Variants in GABRG3 observed in about 807,000 individuals in gnomAD.
GABRG3 encodes gamma-aminobutyric acid type A receptor subunit gamma3.
Under a neutral mutation model 48.8 loss-of-function variants are expected in GABRG3, and 25 were observed. The ratio of observed to expected loss-of-function variants is 0.51; its 90% CI spans 0.37 to 0.72. The LOEUF is 0.72. GABRG3 is among the 30% of genes least tolerant of loss of function. The pLI is 0.00. For synonymous variants in GABRG3, 227 were observed against 217.6 expected (o/e 1.04, Z -0.38); for missense variants, 394 against 577.9 (o/e 0.68, Z 3.26).
chr15:27,041,163 G>C (rs1176486428), intron 3 of GABRG3, among the ~76,000 whole-genome samples: 2 of 152,090 alleles, frequency 1.3e-5, no homozygotes, highest in African/African-American at 4.8e-5. Context: ...TTTGCATCTT[G>C]TTTAGTTTAT....
At chr15:27,119,672 C>T (rs868146625) in intron 3 of GABRG3, among the ~76,000 whole-genome samples, 2 of 152,184 alleles carry the variant, frequency 1.3e-5, no homozygotes, top group Admixed American at 6.5e-5. Context: ...ATGTGCTTCA[C>T]TCAGGTCATT....
chr15:27,210,559 G>T (rs902583094), intron 3 of GABRG3, among the ~76,000 whole-genome samples: 10 of 152,310 alleles, frequency 6.6e-5, no homozygotes, highest in African/African-American at 2.4e-4. Context: ...CCAGAGCATT[G>T]CCCACCCTGA....
At chr15:27,160,599 T>A (rs985254307) in intron 3 of GABRG3, among the ~76,000 whole-genome samples, 2 of 152,162 alleles carry the variant, frequency 1.3e-5, no homozygotes, top group African/African-American at 4.8e-5. Flanking sequence ...CTGAAGGATC[T>A]TTCTAATACT....
intron 6 of GABRG3, among the ~76,000 whole-genome samples, chr15:27,481,917 C>T (rs1423139498): frequency 6.6e-6 from 1 of 152,186 alleles, no homozygotes; most frequent in Non-Finnish European, 1.5e-5. Context: ...AATGTACCAG[C>T]AGACCTTTGG....
intron 3 of GABRG3, among the ~76,000 whole-genome samples, chr15:27,163,708 C>T (rs11857549): frequency 0.37 from 55,810 of 151,740 alleles, 10,567 homozygotes; most frequent in African/African-American, 0.44. Context: ...CTCACTCTCT[C>T]TAATTCTCCA....
intron 5 of GABRG3, among the ~76,000 whole-genome samples, chr15:27,411,261 A>G (rs2140599165): frequency 6.6e-6 from 1 of 152,264 alleles, no homozygotes; most frequent in Non-Finnish European, 1.5e-5. Context: ...GCTCTGATTC[A>G]GGTCAAATAA....
intron 3 of GABRG3, among the ~76,000 whole-genome samples, chr15:27,032,972 C>A (rs973272837): frequency 2.6e-5 from 4 of 151,264 alleles, no homozygotes; most frequent in African/African-American, 7.3e-5. Context: ...TGTGTCAACA[C>A]CAAAAAATGG....
chr15:27,202,817 T>G (rs541798788), intron 3 of GABRG3, among the ~76,000 whole-genome samples: 1 of 152,156 alleles, frequency 6.6e-6, no homozygotes, highest in African/African-American at 2.4e-5. Flanking sequence ...TTATCTGTTA[T>G]GTATTTTTGT....
chr15:27,031,956 G>C (rs758037943), intron 3 of GABRG3, among the ~76,000 whole-genome samples: 86 of 152,160 alleles, frequency 5.7e-4, no homozygotes, highest in African/African-American at 1.8e-3. Context: ...TCTGTAGTTC[G>C]ATAACTTTCA....
chr15:27,183,309 G>C (rs1595571255), intron 3 of GABRG3, among the ~76,000 whole-genome samples: 2 of 152,250 alleles, frequency 1.3e-5, no homozygotes, highest in Admixed American at 1.3e-4. Flanking sequence ...ACAAAACAAA[G>C]CATTAGGCTT....
intron 6 of GABRG3, among the ~76,000 whole-genome samples, chr15:27,501,331 A>C (rs1890632646): frequency 6.6e-6 from 1 of 152,150 alleles, no homozygotes; most frequent in Non-Finnish European, 1.5e-5. Flanking sequence ...ACAGACATCA[A>C]CCACAGTGAT....
chr15:27,326,909 G>A lies in GABRG3; in HGVS notation c.371G>A (p.Gly124Glu), dbSNP rs1893634201. Residue 124 changes from glycine (G) to glutamate (E), a missense_variant, in exon 4 of 10, where the codon GGG (glycine) becomes GAG (glutamate). Transcript: ENST00000615808. The part of the protein sequence containing the change: ...KILTLNSNMV[G>E]LIWIPDTIFR... ...CTTACTCTGAACAGCAACATGGTGG[G>A]GTTAATCTGGATCCCAGACACCATC... is the stretch of plus-strand genomic sequence containing the variant. The A allele has an allele frequency of 1.2e-6, 2 of 1,613,832 alleles. No homozygotes were observed. The highest frequency in any genetic ancestry group is 2.2e-5 in the South Asian group (2 of 91,074).
intron 6 of GABRG3, among the ~76,000 whole-genome samples, chr15:27,502,125 G>C (rs1243664298): frequency 6.6e-6 from 1 of 152,056 alleles, no homozygotes; most frequent in African/African-American, 2.4e-5. Context: ...AGATGGCTTA[G>C]GTCAAAGAAG....
At chr15:27,229,590 C>T (rs1397495230) in intron 3 of GABRG3, among the ~76,000 whole-genome samples, 3 of 152,104 alleles carry the variant, frequency 2.0e-5, no homozygotes, top group African/African-American at 7.2e-5. Context: ...AATTCTCCCA[C>T]CTCAGCCTCC....
intron 3 of GABRG3, among the ~76,000 whole-genome samples, chr15:27,182,512 G>C (rs1049476264): frequency 6.6e-6 from 1 of 152,096 alleles, no homozygotes; most frequent in Non-Finnish European, 1.5e-5. Flanking sequence ...ATGTGAACCC[G>C]CCATGTGAAA....
chr15:27,531,284 G>C (rs1019241065), intron 9 of GABRG3, among the ~76,000 whole-genome samples: 1 of 152,156 alleles, frequency 6.6e-6, no homozygotes, highest in Non-Finnish European at 1.5e-5. Flanking sequence ...CGCACCAAAG[G>C]CTGCAAGTCC....
At chr15:27,451,686 C>T (rs948675016) in intron 5 of GABRG3, among the ~76,000 whole-genome samples, 1 of 152,066 alleles carries the variant, frequency 6.6e-6, no homozygotes, top group Non-Finnish European at 1.5e-5. Context: ...CTATAAACAA[C>T]TGGGATTATA....
chr15:26,995,508 A>G (rs1010015510), intron 2 of GABRG3, among the ~76,000 whole-genome samples: 3 of 151,106 alleles, frequency 2.0e-5, no homozygotes, highest in African/African-American at 7.3e-5. Context: ...ATGTGTCTCA[A>G]ATCTTTTTGT....
intron 3 of GABRG3, among the ~76,000 whole-genome samples, chr15:27,073,764 G>A (rs1312139035): frequency 2.0e-5 from 3 of 152,188 alleles, no homozygotes; most frequent in South Asian, 2.1e-4. Context: ...GACTTGGCTG[G>A]GCCTTCTGCA....
Sources: gnomAD v4.1 joint callset for allele counts (sites outside exome capture counted in the v4.1 genomes callset) on GRCh38, gnomAD v4.1.1 for gene constraint, MANE v1.5 for transcripts, NCBI Gene and HGNC (gene_info 2026-07-23, HGNC 2026-07-21) for gene names.